Variants in BTBD9 observed in about 807,000 individuals in gnomAD.
BTBD9 encodes the protein BTB/POZ domain-containing protein 9.
A neutral mutation model predicts 64.3 loss-of-function variants in BTBD9; 49 were observed. The ratio of observed to expected loss-of-function variants is 0.76; its 90% CI spans 0.61 to 0.97. The LOEUF is 0.97. Ranked by LOEUF, BTBD9 falls within the 50% of genes least tolerant of loss-of-function variation. The pLI, the probability that BTBD9 is intolerant of heterozygous loss-of-function variation, is 0.00. For missense variants in BTBD9, 598 were observed against 762.1 expected (o/e 0.78, Z 2.53); for synonymous variants, 260 against 274.7 (o/e 0.95, Z 0.53).
intron 6 of BTBD9, among the ~76,000 whole-genome samples, chr6:38,526,870 G>A (rs1773519501): frequency 6.6e-6 from 1 of 152,106 alleles, no homozygotes; most frequent in South Asian, 2.1e-4. Flanking sequence ...GGGCAGAAGG[G>A]GCTTGCCCTG....
intron 1 of BTBD9, among the ~76,000 whole-genome samples, chr6:38,603,565 T>C (rs544397523): frequency 6.6e-6 from 1 of 152,368 alleles, no homozygotes; most frequent in South Asian, 2.1e-4. Context: ...AGCTCACTTA[T>C]ACAACTGTTT....
chr6:38,385,152 G>A (rs1766097236), intron 6 of BTBD9, among the ~76,000 whole-genome samples: 1 of 146,548 alleles, frequency 6.8e-6, no homozygotes, highest in African/African-American at 2.5e-5. Context: ...ACTTACTTTT[G>A]TAAGCATACT....
intron 6 of BTBD9, among the ~76,000 whole-genome samples, chr6:38,544,198 A>G (rs765437274): frequency 2.6e-5 from 4 of 152,220 alleles, no homozygotes; most frequent in Admixed American, 1.3e-4. Context: ...ATTAGGTATT[A>G]TAAGTAATCC....
intron 4 of BTBD9, among the ~76,000 whole-genome samples, chr6:38,591,653 T>C (rs1361994388): frequency 1.3e-5 from 2 of 152,248 alleles, no homozygotes; most frequent in South Asian, 2.1e-4. Context: ...TTAACTTCTC[T>C]GTTTCAGTTT....
At chr6:38,266,587 G>GGAAA (rs1448772146) in intron 8 of BTBD9, among the ~76,000 whole-genome samples, 3 of 85,444 alleles carry the variant, frequency 3.5e-5, no homozygotes, top group African/African-American at 1.4e-4. Flanking sequence ...AAGAAAGAAA[G>GGAAA]GAAAGAAAGG....
At position 38,175,075 on chromosome 6, in the gene BTBD9, G is replaced by C. The variant is rs200672700; in HGVS notation, c.1749C>G (p.Leu583=). The C allele has an allele frequency of 1.9e-6, 3 of 1,614,228 alleles. No homozygotes were observed. The East Asian group carries it at 6.7e-5, about 36-fold the overall frequency. The stretch of plus-strand genomic sequence containing the variant: ...TAGGCGCCCGCAGCGCATGGGAGTC[G>C]AGCTGCTGACCGGCCAGGCTGGTGT... The part of the protein sequence containing the change: ...TGDTSLAGQQ[L]DSHALRAPSG... Residue 583 remains leucine (L), a synonymous_variant, in exon 11 of 11, where the codon CTC becomes CTG. Transcript: ENST00000481247.
chr6:38,357,656 C>A (rs543770898), intron 6 of BTBD9, among the ~76,000 whole-genome samples: 1 of 151,448 alleles, frequency 6.6e-6, no homozygotes, highest in Admixed American at 6.6e-5. Flanking sequence ...AGATCTTGGC[C>A]TTTCCAGGCT....
Position 38,266,522 on chromosome 6 carries a change from G to A in BTBD9, c.1455-10006C>T, listed in dbSNP as rs367624462. On this transcript the variant is annotated intron_variant, in intron 8 of 10. Coordinates refer to ENST00000481247, the MANE Select transcript of BTBD9 (RefSeq NM_001099272.2). ...CGAGAGAAGGGGGTTGCAGGGAGCCGAGATTGTGCCATTGCATTCCAGCCT... is the reference window on the plus strand; with the variant it reads ...CGAGAGAAGGGGGTTGCAGGGAGCCAAGATTGTGCCATTGCATTCCAGCCT... 1.0e-3 allele frequency among the ~76,000 whole-genome samples: 152 copies of A among 151,756 alleles called. 3 individuals are homozygous for A. The South Asian group carries it at 0.031, about 31-fold the overall frequency.
rs988679539 is a variant in BTBD9 at position 38,174,195 on chromosome 6, T to G, written c.*790A>C. On this transcript the variant is annotated 3_prime_UTR_variant, in exon 11 of 11. Transcript: ENST00000481247. ...CTATTTCCTTGTCAGCCTCCCAAGC[T>G]TAAAGGCTGGATCCATGTCAGGAAT... The G allele has an allele frequency of 3.9e-5, 6 of 152,246 alleles. No homozygotes were observed. Among genetic ancestry groups the G allele is most frequent in the African/African-American group, 1.2e-4 (5 of 41,460 alleles). The allele number at this position is 152,246 out of a possible 1,614,324, so 9.4% of individuals were successfully genotyped here.
intron 6 of BTBD9, among the ~76,000 whole-genome samples, chr6:38,405,889 T>C (rs1296309949): frequency 6.6e-6 from 1 of 152,166 alleles, no homozygotes; most frequent in Non-Finnish European, 1.5e-5. Flanking sequence ...TGCACAACAG[T>C]TACAAATGAA....
intron 6 of BTBD9, among the ~76,000 whole-genome samples, chr6:38,506,786 A>C (rs1045099971): frequency 6.6e-6 from 1 of 152,198 alleles, no homozygotes; most frequent in African/African-American, 2.4e-5. Flanking sequence ...TTAGAATGTA[A>C]ATCAGACTGT....
chr6:38,529,633 C>A (rs1387320405), intron 6 of BTBD9, among the ~76,000 whole-genome samples: 1 of 152,162 alleles, frequency 6.6e-6, no homozygotes, highest in East Asian at 1.9e-4. Flanking sequence ...GGAGCCTCGG[C>A]GGAGGAACAT....
At chr6:38,339,464 G>A (rs991548878) in intron 7 of BTBD9, among the ~76,000 whole-genome samples, 3 of 151,986 alleles carry the variant, frequency 2.0e-5, no homozygotes, top group African/African-American at 7.2e-5. Context: ...GCAAGACCCT[G>A]TCTCAAGAAA....
At chr6:38,207,910 G>C (rs56064162) in intron 9 of BTBD9, among the ~76,000 whole-genome samples, 16,281 of 152,074 alleles carry the variant, frequency 0.11, 976 homozygotes, top group Non-Finnish European at 0.14. Context: ...TGAAGCAGAG[G>C]ACTGCTGCTT....
intron 9 of BTBD9, among the ~76,000 whole-genome samples, chr6:38,255,983 G>A (rs748558826): frequency 2.0e-5 from 3 of 151,834 alleles, no homozygotes; most frequent in Non-Finnish European, 2.9e-5. Context: ...ATGAGCTGAT[G>A]GGTGCAGCAA....
chr6:38,332,769 C>T (rs1763731202), intron 7 of BTBD9, among the ~76,000 whole-genome samples: 1 of 152,050 alleles, frequency 6.6e-6, no homozygotes, highest in African/African-American at 2.4e-5. Context: ...ATGGGAAGAA[C>T]CAACATCTTT....
At chr6:38,204,840 A>C (rs1026215205) in intron 9 of BTBD9, among the ~76,000 whole-genome samples, 1 of 152,224 alleles carries the variant, frequency 6.6e-6, no homozygotes, top group African/African-American at 2.4e-5. Context: ...GCTTCAGGAA[A>C]AAAAAACCCT....
chr6:38,557,632 T>C (rs1056619218), intron 6 of BTBD9, among the ~76,000 whole-genome samples: 27 of 152,344 alleles, frequency 1.8e-4, no homozygotes, highest in Non-Finnish European at 1.6e-4. Flanking sequence ...GACAACAATG[T>C]AAACCTTCTA....
intron 6 of BTBD9, among the ~76,000 whole-genome samples, chr6:38,476,392 C>G (rs1770881468): frequency 6.6e-6 from 1 of 152,196 alleles, no homozygotes; most frequent in South Asian, 2.1e-4. Context: ...CATTTCACAA[C>G]TCCAGGAAGA....
Sources: allele counts gnomAD v4.1 joint callset (sites outside exome capture counted in the v4.1 genomes callset), GRCh38; gene constraint gnomAD v4.1.1; transcripts MANE v1.5; gene names NCBI Gene and HGNC (gene_info 2026-07-23, HGNC 2026-07-21).